FASTKD5: variants seen among roughly 807,000 people sequenced by gnomAD.
FASTKD5 encodes non-canonical pre-mRNAs endonuclease FASTKD5, mitochondrial.
FASTKD5 carries 30 observed loss-of-function variants against 44.0 expected under a neutral mutation model. The ratio of observed to expected loss-of-function variants is 0.68; its 90% CI spans 0.51 to 0.93. The LOEUF (loss-of-function observed/expected upper bound fraction) is 0.93, where lower values mean the gene tolerates loss of function less well. Ranked by LOEUF, FASTKD5 falls within the 40% of genes least tolerant of loss-of-function variation. The probability of loss-of-function intolerance (pLI) is 0.00; values close to 1 mark genes in which losing one functional copy is unlikely to be tolerated. For missense variants in FASTKD5, 868 were observed against 908.2 expected (o/e 0.96, Z 0.57); for synonymous variants, 335 against 342.2 (o/e 0.98, Z 0.23).
intron 1 of FASTKD5, among the ~76,000 whole-genome samples, chr20:3,152,455 T>C (rs1162303614): frequency 3.3e-5 from 5 of 152,008 alleles, no homozygotes; most frequent in African/African-American, 4.8e-5. Context: ...TGAGCTGAGA[T>C]AGCGCCACTG....
In FASTKD5 at chr20:3,147,495, GAC is replaced by G. The variant is rs1219213658; in HGVS notation, c.1574_1575del (p.Cys525SerfsTer9). 1 of 1,614,146 alleles carries G rather than the reference GAC, an allele frequency of 6.2e-7. No homozygotes were observed. The highest frequency in any genetic ancestry group is 8.5e-7 in the Non-Finnish European group (1 of 1,180,032). On this transcript the variant is annotated frameshift_variant, in exon 2 of 2. Coordinates refer to ENST00000380266, the MANE Select transcript of FASTKD5 (RefSeq NM_021826.5). LOFTEE classifies it high-confidence loss of function. ...YTLDGTVGIECPDYRGNRLST... is the reference protein window; with the variant it reads ...YTLDGTVGIEXPDYRGNRLST... ...CTAAGACGATTGCCTCTGTAATCTG[GAC>G]ACTCAATGCCAACTGTACCATCGAG...
At chr20:3,152,123 GA>G (rs1376505681) in intron 1 of FASTKD5, among the ~76,000 whole-genome samples, 1 of 113,220 alleles carries the variant, frequency 8.8e-6, no homozygotes, top group Non-Finnish European at 1.8e-5. Flanking sequence ...AAAAAAAAAA[GA>G]ACCAAAAAAA....
rs1228253667 is a variant in FASTKD5 at position 3,148,564 on chromosome 20, C to T, written c.507G>A (p.Lys169=). ...QAQVIVDYLC[K]LSSLPAEQHP... ...GCTGCTCTGCAGGCAAAGAGCTCAG[C>T]TTACACAAATAATCAACAATGACTT... is the stretch of plus-strand genomic sequence containing the variant. Residue 169 remains lysine, a synonymous_variant, in exon 2 of 2, where the codon AAG becomes AAA. Coordinates refer to ENST00000380266, the MANE Select transcript of FASTKD5 (RefSeq NM_021826.5). The T allele has an allele frequency of 1.2e-6, 2 of 1,614,118 alleles. No homozygotes were observed. Among genetic ancestry groups the T allele is most frequent in the Non-Finnish European group, 1.7e-6 (2 of 1,180,052 alleles).
Position 3,147,807 on chromosome 20 carries a change from C to T in FASTKD5, c.1264G>A (p.Val422Met), listed in dbSNP as rs1188822399. The change falls in exon 2 of 2, where the codon GTG (valine) becomes ATG (methionine). Residue 422 changes from valine to methionine, a missense_variant. Physicochemically the swap from Val to Met is conservative, Grantham distance 21 (BLOSUM62 1). Coordinates refer to ENST00000380266, the MANE Select transcript of FASTKD5 (RefSeq NM_021826.5). ...ACATCTTTACTTCGACAGTGTGCCA[C>T]TCTAGGAGGCAAAGACGCAGCCACT... ...NAVAASLPPR[V>M]AHCRSKDVAK... 1 of 1,614,198 alleles carries T rather than the reference C, an allele frequency of 6.2e-7. No individual in the cohort carries two copies. The highest frequency in any genetic ancestry group is 8.5e-7 in the Non-Finnish European group (1 of 1,180,040).
chr20:3,156,466 C>A (rs969352700), intron 1 of FASTKD5, among the ~76,000 whole-genome samples: 1 of 152,096 alleles, frequency 6.6e-6, no homozygotes, highest in African/African-American at 2.4e-5. Context: ...CAGGAGCCAC[C>A]ACGCCCGGCC....
rs984395695 is a variant in FASTKD5, at chr20:3,149,844, C to G, written c.-190-584G>C. ...ACCAGCCTGGCCAACAAGGCGAAAT[C>G]CCGTCTCTATTAAAAATACAAAAAA... On this transcript the variant is annotated intron_variant, in intron 1 of 1. Transcript: ENST00000380266. The surrounding 1 kb of genome is among the most constrained non-coding windows in gnomAD (Gnocchi z 4.1). Among the ~76,000 whole-genome samples the G allele has an allele frequency of 1.3e-5, 2 of 152,034 alleles. No individual in the cohort carries two copies. Among genetic ancestry groups the G allele is most frequent in the Non-Finnish European group, 2.9e-5 (2 of 68,000 alleles).
rs1372324938 is a variant in FASTKD5 at position 3,147,108 on chromosome 20, T to C, written c.1963A>G (p.Met655Val). The C allele has an allele frequency of 6.2e-7, 1 of 1,613,992 alleles. No homozygotes were observed. The highest frequency in any genetic ancestry group is 8.5e-7 in the Non-Finnish European group (1 of 1,180,038). Residue 655 changes from methionine to valine, a missense_variant, in exon 2 of 2, where the codon ATG (methionine) becomes GTG (valine). Physicochemically the swap from Met to Val is conservative, Grantham distance 21. Transcript: ENST00000380266. ...KTESEPGQQP[M>V]ELENKAAVPL... ...ACAGCTGCCTTATTCTCCAACTCCA[T>C]GGGCTGCTGCCCAGGCTCTGACTCA... is the stretch of plus-strand genomic sequence containing the variant.
chr20:3,158,172 T>C (rs1380536438), intron 1 of FASTKD5, among the ~76,000 whole-genome samples: 1 of 152,114 alleles, frequency 6.6e-6, no homozygotes, highest in African/African-American at 2.4e-5. Context: ...TTTCCCTATG[T>C]TGCCCCCAGG....
In FASTKD5 at chr20:3,147,194, G is replaced by T; in HGVS notation, c.1877C>A (p.Thr626Lys). 1 of 1,614,094 alleles carries T rather than the reference G, an allele frequency of 6.2e-7. No individual in the cohort carries two copies. The change falls in exon 2 of 2, where the codon ACA becomes AAA. Residue 626 changes from threonine to lysine, a missense_variant. Physicochemically the swap from Thr to Lys is moderately conservative, Grantham distance 78. Coordinates refer to ENST00000380266, the MANE Select transcript of FASTKD5 (RefSeq NM_021826.5). ...TAGTAACTTATTCATCAAATCATCT[G>T]TAAGGCTGACTCCCACATGCTCAAG... Reference protein sequence around the residue: ...LRLEHVGVSLTDDLMNKLLKG... With the variant: ...LRLEHVGVSLKDDLMNKLLKG...
At chr20:3,150,397 T>C (rs753874409) in intron 1 of FASTKD5, 1 of 152,136 alleles carries the variant, frequency 6.6e-6, no homozygotes. Context: ...AGCTTAGCAA[T>C]GTTTCCAGTG....
chr20:3,158,435 A>G (rs2066712062), intron 1 of FASTKD5, among the ~76,000 whole-genome samples: 1 of 152,244 alleles, frequency 6.6e-6, no homozygotes. Flanking sequence ...TATGTTATGC[A>G]GCACAGAGTC....
chr20:3,147,104 T>C lies in FASTKD5; in HGVS notation c.1967A>G (p.Glu656Gly), dbSNP rs747361719. The change falls in exon 2 of 2, where the codon GAG becomes GGG. Residue 656 changes from glutamate to glycine, a missense_variant. By Grantham distance (98) the Glu-to-Gly change is moderately conservative (BLOSUM62 -2). Coordinates refer to ENST00000380266, the MANE Select transcript of FASTKD5 (RefSeq NM_021826.5). ...AGGTACAGCTGCCTTATTCTCCAAC[T>C]CCATGGGCTGCTGCCCAGGCTCTGA... ...TESEPGQQPM[E>G]LENKAAVPLG... 4 of 1,613,994 alleles carry C rather than the reference T, an allele frequency of 2.5e-6. No individual in the cohort carries two copies. The highest frequency in any genetic ancestry group is 2.5e-6 in the Non-Finnish European group (3 of 1,180,032).
Position 3,147,553 on chromosome 20 carries a change from A to C in FASTKD5, c.1518T>G (p.Thr506=). ...PGFVRLAQER[T]KFDLLKELYT... ...ATAGTTCCTTAAGGAGGTCAAACTT[A>C]GTTCTCTCCTGAGCTAACCTGACAA... The change falls in exon 2 of 2, where the codon ACT becomes ACG. Residue 506 remains threonine (T), a synonymous_variant. Transcript: ENST00000380266. The C allele has an allele frequency of 1.9e-6, 3 of 1,614,226 alleles. No homozygotes were observed. The highest frequency in any genetic ancestry group is 2.5e-6 in the Non-Finnish European group (3 of 1,180,036).
At position 3,146,797 on chromosome 20, in the gene FASTKD5, T is replaced by C. The variant is rs764529767; in HGVS notation, c.2274A>G (p.Lys758=). Residue 758 remains lysine (K), a synonymous_variant, in exon 2 of 2, where the codon AAA becomes AAG. Transcript: ENST00000380266. ...CCCTTCAGAGAGCAGAGGTGAATAC[T>C]TTCTCATGAAGAAACGCCAACTTTT... The part of the protein sequence containing the change: ...RLEKLAFLHE[K]VFTSAL 6.2e-7 allele frequency: 1 copy of C among 1,614,068 alleles called. No homozygotes were observed. Among genetic ancestry groups the C allele is most frequent in the Non-Finnish European group, 8.5e-7 (1 of 1,179,934 alleles).
chr20:3,150,051 C>T (rs1344206521), intron 1 of FASTKD5, among the ~76,000 whole-genome samples: 1 of 151,810 alleles, frequency 6.6e-6, no homozygotes, highest in Non-Finnish European at 1.5e-5. Context: ...ATTAGTTATA[C>T]CTACGATAAC....
At chr20:3,153,412 A>C (rs2066651303) in intron 1 of FASTKD5, among the ~76,000 whole-genome samples, 1 of 152,258 alleles carries the variant, frequency 6.6e-6, no homozygotes, top group South Asian at 2.1e-4. Flanking sequence ...CCATCCTTAT[A>C]ACATCTCTGT....
In FASTKD5 at chr20:3,148,406, T is replaced by C; in HGVS notation, c.665A>G (p.His222Arg). 8.7e-6 allele frequency: 14 copies of C among 1,614,158 alleles called. No individual in the cohort carries two copies. The highest frequency in any genetic ancestry group is 3.3e-4 in the Middle Eastern group (2 of 6,062). Residue 222 changes from histidine (H) to arginine (R), a missense_variant, in exon 2 of 2, where the codon CAT becomes CGT. Coordinates refer to ENST00000380266, the MANE Select transcript of FASTKD5 (RefSeq NM_021826.5). ...GGTCTCATACACATCTAGCATTGAA[T>C]GGGAGTGAGGGATTCCTAAAATGAC... ...AFVILGIPHSHSMLDVYETKC... is the reference protein window; with the variant it reads ...AFVILGIPHSRSMLDVYETKC...
At position 3,146,981 on chromosome 20, in the gene FASTKD5, A is replaced by G; in HGVS notation, c.2090T>C (p.Leu697Pro). 6.2e-7 allele frequency: 1 copy of G among 1,614,152 alleles called. No individual in the cohort carries two copies. ...GTTCCTGTTTGTGAACTGAACAGCC[A>G]GCTTCATTCTTGGGGTCTGCATGCA... is the stretch of plus-strand genomic sequence containing the variant. ...AACMQTPRMKLAVQFTNRNQY... is the reference protein window; with the variant it reads ...AACMQTPRMKPAVQFTNRNQY... The change falls in exon 2 of 2, where the codon CTG becomes CCG. Residue 697 changes from leucine (L) to proline (P), a missense_variant. By Grantham distance (98) the Leu-to-Pro change is moderately conservative. Transcript: ENST00000380266.
At chr20:3,159,416 G>C (rs529740313) in intron 1 of FASTKD5, among the ~76,000 whole-genome samples, 1 of 152,176 alleles carries the variant, frequency 6.6e-6, no homozygotes, top group Non-Finnish European at 1.5e-5. Context: ...GCGATTCGCA[G>C]GCACATCAAA....
Sources: allele counts gnomAD v4.1 joint callset (sites outside exome capture counted in the v4.1 genomes callset), GRCh38; gene constraint gnomAD v4.1.1; non-coding constraint Gnocchi (gnomAD v3.1); transcripts MANE v1.5; gene names NCBI Gene and HGNC (gene_info 2026-07-23, HGNC 2026-07-21).